Variants in NMNAT3 observed in about 807,000 individuals in gnomAD.
NMNAT3 encodes nicotinamide nucleotide adenylyltransferase 3.
Under a neutral mutation model 24.8 loss-of-function variants are expected in NMNAT3, and 21 were observed. The ratio of observed to expected loss-of-function variants is 0.85; its 90% CI spans 0.60 to 1.22. The LOEUF (loss-of-function observed/expected upper bound fraction) is 1.22. Among genes scored for constraint, NMNAT3 ranks in the 50% most tolerant of loss-of-function variants. The probability of loss-of-function intolerance (pLI) is 0.00; values close to 1 mark genes in which losing one functional copy is unlikely to be tolerated. For synonymous variants in NMNAT3, 136 were observed against 155.2 expected (o/e 0.88, Z 0.92); for missense variants, 387 against 436.6 (o/e 0.89, Z 1.01).
chr3:139,666,208 A>G (rs542337258), intron 1 of NMNAT3, among the ~76,000 whole-genome samples: 5 of 152,238 alleles, frequency 3.3e-5, no homozygotes, highest in African/African-American at 1.2e-4. Flanking sequence ...AGGTGGGTCT[A>G]TTTTGTCCCC....
chr3:139,658,906 C>T (rs2057329870), intron 1 of NMNAT3, among the ~76,000 whole-genome samples: 1 of 152,092 alleles, frequency 6.6e-6, no homozygotes. Context: ...TGAACGTCCC[C>T]TTGTGTCCCT....
At chr3:139,563,821 T>A (rs1432347808) in intron 6 of NMNAT3, among the ~76,000 whole-genome samples, 1 of 152,224 alleles carries the variant, frequency 6.6e-6, no homozygotes, top group Non-Finnish European at 1.5e-5. Context: ...GTCCTAAGTA[T>A]GTAACTCCAG....
chr3:139,595,967 TAATTA>T (rs2054435040), intron 3 of NMNAT3, among the ~76,000 whole-genome samples: 1 of 152,252 alleles, frequency 6.6e-6, no homozygotes, highest in Admixed American at 6.5e-5. Context: ...AAATGGGATC[TAATTA>T]AATTAAAAAG....
chr3:139,565,156 A>G (rs1415570796), intron 6 of NMNAT3, among the ~76,000 whole-genome samples: 1 of 152,082 alleles, frequency 6.6e-6, no homozygotes, highest in Non-Finnish European at 1.5e-5. Flanking sequence ...ACTTTCCTTT[A>G]TATTTAAACA....
chr3:139,603,896 A>G (rs1027841700), intron 3 of NMNAT3, among the ~76,000 whole-genome samples: 41 of 152,228 alleles, frequency 2.7e-4, no homozygotes, highest in African/African-American at 9.6e-4. Flanking sequence ...AAGAGATAGA[A>G]AGCATAGTTT....
At chr3:139,599,017 C>T (rs1420550063) in intron 3 of NMNAT3, 3 of 349,016 alleles carry the variant, frequency 8.6e-6, no homozygotes, top group Non-Finnish European at 1.6e-5. Flanking sequence ...CTAGAGCTGA[C>T]CATCCCCCTC....
intron 3 of NMNAT3, among the ~76,000 whole-genome samples, chr3:139,605,635 C>T (rs183828322): frequency 6.6e-6 from 1 of 152,224 alleles, no homozygotes; most frequent in Non-Finnish European, 1.5e-5. Context: ...CAGAATTTCT[C>T]TAAAGTTTCT....
chr3:139,616,285 C>A (rs1273824003), intron 3 of NMNAT3, among the ~76,000 whole-genome samples: 1 of 152,200 alleles, frequency 6.6e-6, no homozygotes, highest in Non-Finnish European at 1.5e-5. Flanking sequence ...GGGGATCCTT[C>A]ATCTTTTCTG....
chr3:139,633,054 C>T (rs770063669), intron 2 of NMNAT3, among the ~76,000 whole-genome samples: 13 of 152,248 alleles, frequency 8.5e-5, no homozygotes, highest in South Asian at 2.1e-4. Flanking sequence ...GCAATGCAAA[C>T]GGCCCCTAGC....
intron 3 of NMNAT3, chr3:139,610,054 G>C (rs1480455767): frequency 6.6e-6 from 1 of 152,200 alleles, no homozygotes; most frequent in Non-Finnish European, 1.5e-5. Context: ...TGGGAAAAGA[G>C]GGGAAGAGGT....
intron 3 of NMNAT3, chr3:139,610,074 C>T (rs1013517274): frequency 1.3e-5 from 2 of 152,128 alleles, no homozygotes; most frequent in Admixed American, 1.3e-4. Context: ...TGAGAGGTAT[C>T]ATAATTAGCA....
chr3:139,617,516 G>A (rs1373210621), intron 3 of NMNAT3, among the ~76,000 whole-genome samples: 1 of 152,192 alleles, frequency 6.6e-6, no homozygotes, highest in Non-Finnish European at 1.5e-5. Flanking sequence ...GGGCTGTTAT[G>A]AAAATTAAAT....
At chr3:139,643,464 G>A (rs938515137) in intron 1 of NMNAT3, among the ~76,000 whole-genome samples, 25 of 152,196 alleles carry the variant, frequency 1.6e-4, no homozygotes, top group African/African-American at 6.0e-4. Flanking sequence ...AGGAAACCAA[G>A]TGTCCATTAA....
chr3:139,636,169 C>A (rs2056493060), intron 2 of NMNAT3: 1 of 152,098 alleles, frequency 6.6e-6, no homozygotes, highest in Non-Finnish European at 1.5e-5. Context: ...CACAGCTAAA[C>A]CTAATTCTAA....
At chr3:139,615,417 T>TTCTATCTATCTATCTA (rs145198692) in intron 3 of NMNAT3, among the ~76,000 whole-genome samples, 7,516 of 140,114 alleles carry the variant, frequency 0.054, 278 homozygotes, top group Admixed American at 0.088. Context: ...CACACACATT[T>TTCTATCTATCTATCTA]TCTATCTATC....
At chr3:139,628,087 C>T (rs912620126) in intron 2 of NMNAT3, among the ~76,000 whole-genome samples, 3 of 152,190 alleles carry the variant, frequency 2.0e-5, no homozygotes, top group Admixed American at 2.0e-4. Context: ...ACCTCTATAT[C>T]CTCCTTGAGC....
intron 1 of NMNAT3, among the ~76,000 whole-genome samples, chr3:139,646,320 A>G (rs930694437): frequency 6.6e-6 from 1 of 152,210 alleles, no homozygotes; most frequent in African/African-American, 2.4e-5. Flanking sequence ...AAACTTAGCC[A>G]TGGTCTGGGA....
At chr3:139,599,289 C>T in intron 3 of NMNAT3, 1 of 701,832 alleles carries the variant, frequency 1.4e-6, no homozygotes, top group South Asian at 1.5e-5. Context: ...TACTAATTTG[C>T]CTCTTCCCTT....
At chr3:139,575,851 C>G (rs1656074811) in intron 5 of NMNAT3, 1 of 1,235,702 alleles carries the variant, frequency 8.1e-7, no homozygotes, top group Non-Finnish European at 1.0e-6. Flanking sequence ...GGTGTAAAGC[C>G]AGCCACATCA....
Sources: gnomAD v4.1 joint callset for allele counts (sites outside exome capture counted in the v4.1 genomes callset) on GRCh38, gnomAD v4.1.1 for gene constraint, MANE v1.5 for transcripts, NCBI Gene and HGNC (gene_info 2026-07-23, HGNC 2026-07-21) for gene names.